Variants in OR51B5 observed in about 807,000 individuals in gnomAD.
OR51B5 encodes olfactory receptor 51B5.
For synonymous variants in OR51B5, 186 were observed against 144.8 expected, an observed-to-expected ratio of 1.28 and a Z score of -2.04; for missense variants, 456 against 374.6, an observed-to-expected ratio of 1.22 and a Z score of -1.79.
At chr11:5,351,583 T>A (rs373748810) in intron 1 of OR51B5, 2 of 1,614,032 alleles carry the variant, frequency 1.2e-6, no homozygotes, top group African/African-American at 2.7e-5. Context: ...TCACTGGATA[T>A]TCATCCCATT....
intron 1 of OR51B5, among the ~76,000 whole-genome samples, chr11:5,393,541 T>A (rs1392450787): frequency 6.6e-6 from 1 of 152,122 alleles, no homozygotes; most frequent in Non-Finnish European, 1.5e-5. Flanking sequence ...TTCGGTTTTA[T>A]AATCTAAAAA....
intron 1 of OR51B5, among the ~76,000 whole-genome samples, chr11:5,397,707 A>G (rs1401903909): frequency 1.3e-5 from 2 of 151,236 alleles, no homozygotes; most frequent in South Asian, 2.2e-4. Flanking sequence ...CTGGGTATAC[A>G]CCCAAAGGAT....
At chr11:5,409,661 G>A (rs1293180116) in intron 1 of OR51B5, among the ~76,000 whole-genome samples, 1 of 152,024 alleles carries the variant, frequency 6.6e-6, no homozygotes, top group African/African-American at 2.4e-5. Flanking sequence ...ATAAAGACGT[G>A]AAATACATGT....
chr11:5,470,506 T>A (rs1436472102), intron 1 of OR51B5, among the ~76,000 whole-genome samples: 1 of 152,166 alleles, frequency 6.6e-6, no homozygotes, highest in Non-Finnish European at 1.5e-5. Context: ...CCCAAATATA[T>A]GTCTGCTGCC....
At chr11:5,494,202 ATG>A (rs1307556559) in intron 1 of OR51B5, among the ~76,000 whole-genome samples, 2 of 152,216 alleles carry the variant, frequency 1.3e-5, no homozygotes, top group Non-Finnish European at 2.9e-5. Context: ...AAATGCATTA[ATG>A]TGTGGCAAGA....
chr11:5,344,201 G>A (rs1214403907), upstream of OR51B5, among the ~76,000 whole-genome samples: 1 of 152,158 alleles, frequency 6.6e-6, no homozygotes, highest in Admixed American at 6.5e-5. Flanking sequence ...CACTACTTGT[G>A]ACAATAGCTC....
intron 1 of OR51B5, among the ~76,000 whole-genome samples, chr11:5,474,645 A>T (rs1851278173): frequency 6.6e-6 from 1 of 152,182 alleles, no homozygotes; most frequent in South Asian, 2.1e-4. Context: ...TTTACTATTC[A>T]AGTTGACAAG....
At chr11:5,398,411 G>C (rs1254691472) in intron 1 of OR51B5, among the ~76,000 whole-genome samples, 1 of 152,064 alleles carries the variant, frequency 6.6e-6, no homozygotes, top group African/African-American at 2.4e-5. Context: ...TACTCCTAGA[G>C]ACTCTGATCA....
chr11:5,486,998 G>A (rs1028569813), intron 1 of OR51B5, among the ~76,000 whole-genome samples: 1 of 152,058 alleles, frequency 6.6e-6, no homozygotes, highest in Non-Finnish European at 1.5e-5. Context: ...TCAGCACTAG[G>A]AATTGATATT....
intron 1 of OR51B5, among the ~76,000 whole-genome samples, chr11:5,397,021 A>ATCCC (rs1458146478): frequency 6.6e-6 from 1 of 152,228 alleles, no homozygotes; most frequent in Non-Finnish European, 1.5e-5. Context: ...CTGAAACTGG[A>ATCCC]TCCCTTCCTT....
In OR51B5 at chr11:5,376,060, A is replaced by G. The variant is rs185665719; in HGVS notation, n.85-29150T>C. 2.0e-5 allele frequency among the ~76,000 whole-genome samples: 3 copies of G among 152,292 alleles called. No homozygotes were observed. In the East Asian group the frequency reaches 5.8e-4, roughly 29 times the overall value. ...ATTCCAAAATTGACCACATACTTGGAAGTAAAGCTCTCCTCAGCAAATATA... is the reference window on the plus strand; with the variant it reads ...ATTCCAAAATTGACCACATACTTGGGAGTAAAGCTCTCCTCAGCAAATATA... On this transcript the variant is annotated intron_variant and non_coding_transcript_variant, in intron 1 of 4. Transcript: ENST00000415970.
At chr11:5,458,949 T>G (rs950854317) in intron 1 of OR51B5, among the ~76,000 whole-genome samples, 1 of 152,208 alleles carries the variant, frequency 6.6e-6, no homozygotes, top group Admixed American at 6.5e-5. Context: ...TTTTATTTCT[T>G]TCTCTTGCTT....
At chr11:5,374,667 C>A (rs1003192436) in intron 1 of OR51B5, among the ~76,000 whole-genome samples, 28 of 152,136 alleles carry the variant, frequency 1.8e-4, no homozygotes, top group African/African-American at 6.5e-4. Context: ...AGCCAAGGCT[C>A]GAGAATGACG....
chr11:5,357,497 A>G lies in OR51B5; in HGVS notation n.85-10587T>C, dbSNP rs145342232. Among the ~76,000 whole-genome samples the G allele has an allele frequency of 3.9e-3, 592 of 152,298 alleles. 2 individuals are homozygous for G. The highest frequency in any genetic ancestry group is 0.01 in the Middle Eastern group (3 of 294). On this transcript the variant is annotated intron_variant and non_coding_transcript_variant, in intron 1 of 4. Coordinates refer to the OR51B5 transcript ENST00000415970. ...AAAGCAAGTCCTTAGAGACCTACAA[A>G]GAGACTTAGACTCTCACACAATAAC...
At chr11:5,489,476 C>T (rs759246797) in intron 1 of OR51B5, 1 of 1,614,060 alleles carries the variant, frequency 6.2e-7, no homozygotes, top group African/African-American at 1.3e-5. Flanking sequence ...TTCTACATCC[C>T]TGCCTTCTTC....
At chr11:5,458,711 TG>T (rs201248596) in intron 1 of OR51B5, among the ~76,000 whole-genome samples, 1,894 of 152,330 alleles carry the variant, frequency 0.012, 37 homozygotes, top group African/African-American at 0.043. Flanking sequence ...TTATTCTTTT[TG>T]TAACTATTTT....
chr11:5,358,185 A>T (rs1849223694), intron 1 of OR51B5, among the ~76,000 whole-genome samples: 2 of 152,208 alleles, frequency 1.3e-5, no homozygotes, highest in African/African-American at 4.8e-5. Flanking sequence ...AACCCTTCAA[A>T]AAATCAATGA....
chr11:5,351,657 T>A (rs745484636), intron 1 of OR51B5: 4 of 1,614,136 alleles, frequency 2.5e-6, no homozygotes, highest in Admixed American at 1.7e-5. Context: ...TCAGGAATGA[T>A]CATAACCTCC....
rs530049541 is a variant in OR51B5 at position 5,384,592 on chromosome 11, A to C, written n.85-37682T>G. ...AGCCCCTCCCTGGATCATGTCTAGA[A>C]GTCAGGATGGCAGAAGCCCTCTGGT... On this transcript the variant is annotated intron_variant and non_coding_transcript_variant, in intron 1 of 4. Coordinates refer to the OR51B5 transcript ENST00000415970. Among the ~76,000 whole-genome samples the C allele has an allele frequency of 2.9e-4, 44 of 152,330 alleles. No individual in the cohort carries two copies. The South Asian group carries it at 8.9e-3, about 31-fold the overall frequency.
Sources: gnomAD v4.1 joint callset for allele counts (sites outside exome capture counted in the v4.1 genomes callset) on GRCh38, gnomAD v4.1.1 for gene constraint, MANE v1.5 for transcripts, NCBI Gene and HGNC (gene_info 2026-07-23, HGNC 2026-07-21) for gene names.